Variants in NCDN observed in about 807,000 individuals in gnomAD.
The protein encoded by NCDN is norbin.
In NCDN, 9 loss-of-function variants were observed where a neutral mutation model predicts 60.7. The observed-to-expected ratio is 0.15, with a 90% CI of 0.09 to 0.26. The LOEUF is 0.26. NCDN is among the 10% of genes least tolerant of loss of function. The probability of loss-of-function intolerance (pLI) is 1.00; values close to 1 mark genes in which losing one functional copy is unlikely to be tolerated. For synonymous variants in NCDN, 409 were observed against 442.5 expected (o/e 0.92, Z 0.95); for missense variants, 578 against 975.2 (o/e 0.59, Z 5.42).
rs1016207930 is a variant in NCDN at position 35,559,112 on chromosome 1, C to G, written c.39C>G (p.Gly13=). The change falls in exon 2 of 7, where the codon GGC becomes GGG. Residue 13 remains glycine (G), a synonymous_variant. Transcript: ENST00000373243. ...CCDLAAAGQL[G]KASIMASDCE... ...AGTCCCTCTTGTGTTCACAGTTGGG[C>G]AAGGCGAGCATCATGGCCTCGGATT... is the stretch of plus-strand genomic sequence containing the variant. 1.1e-5 allele frequency: 18 copies of G among 1,589,940 alleles called. No individual in the cohort carries two copies. Among genetic ancestry groups the G allele is most frequent in the Non-Finnish European group, 1.4e-5 (16 of 1,166,988 alleles).
chr1:35,559,644 G>A (rs1165326027), intron 2 of NCDN, among the ~76,000 whole-genome samples: 2 of 151,930 alleles, frequency 1.3e-5, no homozygotes, highest in Non-Finnish European at 2.9e-5. Flanking sequence ...CAGGATGGCA[G>A]TAGGTAGGTT....
Position 35,565,640 on chromosome 1 carries a change from G to T in NCDN, c.2167G>T (p.Glu723Ter). 1 of 1,557,634 alleles carries T rather than the reference G, an allele frequency of 6.4e-7. No homozygotes were observed. The highest frequency in any genetic ancestry group is 1.2e-5 in the South Asian group (1 of 85,914). ...CAGCCACTACCGCATGGCTGCCTTGGAGCAGTGCCTGTCAGAGCCCTGAGG... is the reference window on the plus strand; with the variant it reads ...CAGCCACTACCGCATGGCTGCCTTGTAGCAGTGCCTGTCAGAGCCCTGAGG... ...TASHYRMAAL[E>*]QCLSEP Residue 723 changes from glutamate to a stop codon, truncating the protein, a stop_gained, in exon 7 of 7, where the codon GAG becomes TAG. Coordinates refer to ENST00000373243, the MANE Select transcript of NCDN (RefSeq NM_014284.3). LOFTEE classifies it high-confidence loss of function. The surrounding 1 kb of genome is among the most constrained non-coding windows in gnomAD (Gnocchi z 8.9).
In NCDN at chr1:35,562,645, G is replaced by A. The variant is rs747402200; in HGVS notation, c.1385+12G>A. 1.9e-6 allele frequency: 3 copies of A among 1,608,250 alleles called. No individual in the cohort carries two copies. In the East Asian group the frequency reaches 6.7e-5, roughly 36 times the overall value. ...GGAGACGCTCTCCGGTGAGTCTGTAGTTACAGTCTGTCCAGCTAGATCATT... is the reference window on the plus strand; with the variant it reads ...GGAGACGCTCTCCGGTGAGTCTGTAATTACAGTCTGTCCAGCTAGATCATT... On this transcript the variant is annotated intron_variant, in intron 4 of 6. Coordinates refer to ENST00000373243, the MANE Select transcript of NCDN (RefSeq NM_014284.3). The surrounding 1 kb of genome is among the most constrained non-coding windows in gnomAD (Gnocchi z 6.8).
chr1:35,560,187 A>G lies in NCDN; in HGVS notation c.175-139A>G. ...ATTTATCTGCCTCTAAGGAGAAAAA[A>G]GGAGCTGGATGAAATGACCTCAGAT... On this transcript the variant is annotated intron_variant, in intron 2 of 6. Transcript: ENST00000373243. This position sits in a 1 kb window ranked among gnomAD's most constrained non-coding sequence, Gnocchi z 7.6. The G allele has an allele frequency of 8.5e-7, 1 of 1,177,260 alleles. No individual in the cohort carries two copies. The highest frequency in any genetic ancestry group is 1.5e-5 in the South Asian group (1 of 67,426). 72.9% of individuals were successfully genotyped at this position (1,177,260 alleles called of 1,614,324 possible).
chr1:35,564,443 G>T (rs1051074697), intron 6 of NCDN, among the ~76,000 whole-genome samples: 2 of 152,184 alleles, frequency 1.3e-5, no homozygotes, highest in African/African-American at 4.8e-5. Context: ...GGCTGTGGGT[G>T]TCTGCTTGGG....
In NCDN at chr1:35,565,179, G is replaced by A. The variant is rs1419564175; in HGVS notation, c.1754-48G>A. 1 of 1,544,868 alleles carries A rather than the reference G, an allele frequency of 6.5e-7. No homozygotes were observed. Among genetic ancestry groups the A allele is most frequent in the Non-Finnish European group, 8.8e-7 (1 of 1,135,510 alleles). On this transcript the variant is annotated intron_variant, in intron 6 of 6. Coordinates refer to ENST00000373243, the MANE Select transcript of NCDN (RefSeq NM_014284.3). This position sits in a 1 kb window ranked among gnomAD's most constrained non-coding sequence, Gnocchi z 8.9. The stretch of plus-strand genomic sequence containing the variant: ...GAGGACTAGGGAAGGGTCTGACACA[G>A]CAGCTGGCCTGTCCGATTCATGCCC...
intron 1 of NCDN, 44 bp from the exon 2 acceptor site, chr1:35,559,063 T>TCC: frequency 2.5e-6 from 1 of 401,654 alleles, no homozygotes; most frequent in South Asian, 2.7e-5. Context: ...CCCACCCCCG[T>TCC]CCCTCCTCTG....
In NCDN at chr1:35,558,060, T is replaced by C. The variant is rs968527184; in HGVS notation, c.-131T>C. On this transcript the variant is annotated 5_prime_UTR_variant, in exon 1 of 7. Transcript: ENST00000373243. The surrounding 1 kb of genome is among the most constrained non-coding windows in gnomAD (Gnocchi z 6.3). ...TCACAGCCCTTTTCAATATATATCT[T>C]TTTTTTTTTTAATTTGCCCTGTCAT... 3 of 1,180,918 alleles carry C rather than the reference T, an allele frequency of 2.5e-6. No homozygotes were observed. The highest frequency in any genetic ancestry group is 3.2e-5 in the East Asian group (1 of 31,716). The allele number at this position is 1,180,918 out of a possible 1,614,324, so 73.2% of individuals were successfully genotyped here.
chr1:35,563,280 G>C lies in NCDN; in HGVS notation c.1464G>C (p.Ser488=). The C allele has an allele frequency of 1.2e-6, 2 of 1,614,194 alleles. No homozygotes were observed. The highest frequency in any genetic ancestry group is 1.7e-6 in the Non-Finnish European group (2 of 1,180,040). Residue 488 remains serine, a synonymous_variant, in exon 5 of 7, where the codon TCG becomes TCC. Transcript: ENST00000373243. The surrounding 1 kb of genome is among the most constrained non-coding windows in gnomAD (Gnocchi z 6.6). ...REILIKEGAP[S]LLCKYFLQQW... Reference sequence around the variant, plus strand: ...TCCTGATCAAGGAAGGGGCCCCCTCGCTTCTGTGCAAGTATTTCCTGCAGC... The same window carrying C: ...TCCTGATCAAGGAAGGGGCCCCCTCCCTTCTGTGCAAGTATTTCCTGCAGC...
In NCDN at chr1:35,559,111, G is replaced by A. The variant is rs781524202; in HGVS notation, c.38G>A (p.Gly13Asp). ...CCDLAAAGQL[G>D]KASIMASDCE... ...CAGTCCCTCTTGTGTTCACAGTTGGGCAAGGCGAGCATCATGGCCTCGGAT... is the reference window on the plus strand; with the variant it reads ...CAGTCCCTCTTGTGTTCACAGTTGGACAAGGCGAGCATCATGGCCTCGGAT... Residue 13 changes from glycine (G) to aspartate (D), a missense_variant, in exon 2 of 7, where the codon GGC becomes GAC. By Grantham distance (94) the Gly-to-Asp change is moderately conservative. Coordinates refer to ENST00000373243, the MANE Select transcript of NCDN (RefSeq NM_014284.3). 10 of 1,612,702 alleles carry A rather than the reference G, an allele frequency of 6.2e-6. No individual in the cohort carries two copies. Among genetic ancestry groups the A allele is most frequent in the Non-Finnish European group, 7.6e-6 (9 of 1,179,726 alleles).
rs1648431234 is a variant in NCDN, at chr1:35,558,126, T to C, written c.-65T>C. ...CCCATGTCGTGATTTTGACGTGATC[T>C]CTCCGTGACATCACCGCGCCATCGT... On this transcript the variant is annotated 5_prime_UTR_variant, in exon 1 of 7. Coordinates refer to ENST00000373243, the MANE Select transcript of NCDN (RefSeq NM_014284.3). This position sits in a 1 kb window ranked among gnomAD's most constrained non-coding sequence, Gnocchi z 6.3. 1.2e-6 allele frequency: 2 copies of C among 1,604,862 alleles called. No homozygotes were observed. Among genetic ancestry groups the C allele is most frequent in the South Asian group, 1.1e-5 (1 of 90,742 alleles).
Position 35,563,103 on chromosome 1 carries a change from C to G in NCDN, c.1386-99C>G, listed in dbSNP as rs562867306. 8.9e-7 allele frequency: 1 copy of G among 1,120,214 alleles called. No individual in the cohort carries two copies. The highest frequency in any genetic ancestry group is 1.2e-6 in the Non-Finnish European group (1 of 800,058). 69.4% of individuals were successfully genotyped at this position (1,120,214 alleles called of 1,614,324 possible). A position where few individuals can be genotyped will look rare whatever the true frequency, so the allele number is the denominator to read the frequency against. On this transcript the variant is annotated intron_variant, in intron 4 of 6. Coordinates refer to ENST00000373243, the MANE Select transcript of NCDN (RefSeq NM_014284.3). The surrounding 1 kb of genome is among the most constrained non-coding windows in gnomAD (Gnocchi z 6.6). ...TACCTGCGAGGATGTGTCCTTCTCC[C>G]CTACTTCCATTTCTCTTAGGCAAGG...
In NCDN at chr1:35,558,334, C is replaced by T; in HGVS notation, c.33+111C>T. ...TTGTCCTGGGAACTATCCGGGACCC[C>T]CTCTTGCTTCTCCAGCCCCTGCCGG... On this transcript the variant is annotated intron_variant, in intron 1 of 6. Transcript: ENST00000373243. This position sits in a 1 kb window ranked among gnomAD's most constrained non-coding sequence, Gnocchi z 6.3. 1 of 1,558,182 alleles carries T rather than the reference C, an allele frequency of 6.4e-7. No individual in the cohort carries two copies. The highest frequency in any genetic ancestry group is 1.8e-5 in the Admixed American group (1 of 56,184).
In NCDN at chr1:35,560,637, A is replaced by G. The variant is rs1195738509; in HGVS notation, c.486A>G (p.Val162=). The change falls in exon 3 of 7, where the codon GTA becomes GTG. Residue 162 remains valine (V), a synonymous_variant. Transcript: ENST00000373243. This position sits in a 1 kb window ranked among gnomAD's most constrained non-coding sequence, Gnocchi z 7.6. Reference sequence around the variant, plus strand: ...ACACCTACCAGTGCCTGACGGCTGTAGCAGGCACACCCAGAGGGCCTCGGC... The same window carrying G: ...ACACCTACCAGTGCCTGACGGCTGTGGCAGGCACACCCAGAGGGCCTCGGC... The part of the protein sequence containing the change: ...IDDTYQCLTA[V]AGTPRGPRHL... 5 of 1,613,526 alleles carry G rather than the reference A, an allele frequency of 3.1e-6. No homozygotes were observed. In the South Asian group the frequency reaches 5.5e-5, roughly 18 times the overall value.
At chr1:35,564,034 C>A (rs1648790654) in intron 6 of NCDN, 125 bp downstream of exon 6, 1 of 1,189,388 alleles carries the variant, frequency 8.4e-7, no homozygotes, top group African/African-American at 1.5e-5. Context: ...AAGAGGAAAT[C>A]TTTGCAGTGT....
Position 35,566,443 on chromosome 1 carries a change from C to CA in NCDN, c.*781dup, listed in dbSNP as rs1648878188. On this transcript the variant is annotated 3_prime_UTR_variant, in exon 7 of 7. Coordinates refer to ENST00000373243, the MANE Select transcript of NCDN (RefSeq NM_014284.3). This position sits in a 1 kb window ranked among gnomAD's most constrained non-coding sequence, Gnocchi z 5.3. ...CATCTGATTCCTGTCCCCCTGGTGC[C>CA]ATCTGGCCTGGCTGGAGCCAGGAAC... The CA allele has an allele frequency of 3.7e-6, 1 of 268,272 alleles. No individual in the cohort carries two copies. Among genetic ancestry groups the CA allele is most frequent in the African/African-American group, 2.2e-5 (1 of 44,924 alleles). The allele number at this position is 268,272 out of a possible 1,614,324, so 16.6% of individuals were successfully genotyped here. A position where few individuals can be genotyped will look rare whatever the true frequency, so the allele number is the denominator to read the frequency against.
Position 35,560,846 on chromosome 1 carries a change from C to A in NCDN, c.695C>A (p.Ala232Asp), listed in dbSNP as rs1648676362. Residue 232 changes from alanine (A) to aspartate (D), a missense_variant, in exon 3 of 7, where the codon GCT becomes GAT. Physicochemically the swap from Ala to Asp is moderately radical, Grantham distance 126. Transcript: ENST00000373243. This position sits in a 1 kb window ranked among gnomAD's most constrained non-coding sequence, Gnocchi z 7.6. ...LRGLSEDFQKAEDASKFELCQ... is the reference protein window; with the variant it reads ...LRGLSEDFQKDEDASKFELCQ... The stretch of plus-strand genomic sequence containing the variant: ...GGCCTCAGTGAGGATTTCCAGAAAG[C>A]TGAGGATGCCAGCAAGTTTGAGCTC... 1.2e-6 allele frequency: 2 copies of A among 1,614,072 alleles called. No homozygotes were observed.
chr1:35,557,840 G>C lies in NCDN; in HGVS notation c.-351G>C. On this transcript the variant is annotated 5_prime_UTR_variant, in exon 1 of 7. Transcript: ENST00000373243. ...TGAGCAGCGGCCCGAGGCTCCCGGA[G>C]CATCGCGCTGGGAGAAGACTTCGCC... is the stretch of plus-strand genomic sequence containing the variant. 1.8e-6 allele frequency: 1 copy of C among 561,054 alleles called. No homozygotes were observed. Among genetic ancestry groups the C allele is most frequent in the Non-Finnish European group, 3.4e-6 (1 of 296,036 alleles). 34.8% of individuals were successfully genotyped at this position (561,054 alleles called of 1,614,324 possible). A position where few individuals can be genotyped will look rare whatever the true frequency, so the allele number is the denominator to read the frequency against.
chr1:35,563,127 G>C lies in NCDN; in HGVS notation c.1386-75G>C, dbSNP rs560334551. 1 of 1,331,078 alleles carries C rather than the reference G, an allele frequency of 7.5e-7. No individual in the cohort carries two copies. Among genetic ancestry groups the C allele is most frequent in the Middle Eastern group, 2.1e-4 (1 of 4,864 alleles). 82.5% of individuals were successfully genotyped at this position (1,331,078 alleles called of 1,614,324 possible). A position where few individuals can be genotyped will look rare whatever the true frequency, so the allele number is the denominator to read the frequency against. ...CCCTACTTCCATTTCTCTTAGGCAA[G>C]GTGCCCTAAAAAGGGAATCTATGTG... On this transcript the variant is annotated intron_variant, in intron 4 of 6. Coordinates refer to ENST00000373243, the MANE Select transcript of NCDN (RefSeq NM_014284.3). This position sits in a 1 kb window ranked among gnomAD's most constrained non-coding sequence, Gnocchi z 6.6.
Sources: allele counts gnomAD v4.1 joint callset (sites outside exome capture counted in the v4.1 genomes callset), GRCh38; gene constraint gnomAD v4.1.1; non-coding constraint Gnocchi (gnomAD v3.1); transcripts MANE v1.5; gene names NCBI Gene and HGNC (gene_info 2026-07-23, HGNC 2026-07-21).